ZBTB7C: variants seen among roughly 807,000 people sequenced by gnomAD.
The protein encoded by ZBTB7C is zinc finger and BTB domain containing 7C, also known as zinc finger and BTB domain-containing protein 7C.
In ZBTB7C, 8 loss-of-function variants were observed where a neutral mutation model predicts 25.7. That is an observed-to-expected ratio of 0.31 (90% CI 0.18 to 0.56). The LOEUF is 0.56. Among genes scored for constraint, ZBTB7C ranks in the 20% least tolerant of loss-of-function variants. The probability of loss-of-function intolerance (pLI) is 0.91; values close to 1 mark genes in which losing one functional copy is unlikely to be tolerated. For missense variants in ZBTB7C, 824 were observed against 855.2 expected (o/e 0.96, Z 0.46); for synonymous variants, 394 against 369.0 (o/e 1.07, Z -0.78).
At chr18:48,302,015 T>G (rs1490187756) in intron 2 of ZBTB7C, among the ~76,000 whole-genome samples, 1 of 151,830 alleles carries the variant, frequency 6.6e-6, no homozygotes, top group Non-Finnish European at 1.5e-5. Flanking sequence ...CAACTGCCAC[T>G]CCCCGGCTTT....
intron 3 of ZBTB7C, among the ~76,000 whole-genome samples, chr18:48,146,132 T>C (rs960918841): frequency 5.3e-5 from 8 of 152,234 alleles, no homozygotes; most frequent in African/African-American, 1.9e-4. Flanking sequence ...TAACTTGAGA[T>C]GATGGCTAGC....
At chr18:48,148,880 T>C (rs1374526814) in intron 3 of ZBTB7C, 4 of 152,236 alleles carry the variant, frequency 2.6e-5, no homozygotes, top group African/African-American at 9.6e-5. Context: ...TTGATTACCT[T>C]TGATCCAAAA....
intron 2 of ZBTB7C, among the ~76,000 whole-genome samples, chr18:48,233,646 C>T (rs2043309833): frequency 6.6e-6 from 1 of 152,190 alleles, no homozygotes; most frequent in Non-Finnish European, 1.5e-5. Context: ...AACGCAGCTA[C>T]AACATAAGCC....
chr18:48,386,470 T>A (rs1296559216), intron 1 of ZBTB7C, among the ~76,000 whole-genome samples: 1 of 152,130 alleles, frequency 6.6e-6, no homozygotes, highest in Non-Finnish European at 1.5e-5. Context: ...TACTGATACT[T>A]GCCAAAGAGA....
At chr18:48,112,187 A>G (rs2039265154) in intron 3 of ZBTB7C, among the ~76,000 whole-genome samples, 1 of 151,962 alleles carries the variant, frequency 6.6e-6, no homozygotes, top group Non-Finnish European at 1.5e-5. Flanking sequence ...ATATATGTTC[A>G]TAGAAAAATG....
At position 48,187,738 on chromosome 18, in the gene ZBTB7C, G is replaced by A. The variant is rs139408557; in HGVS notation, c.-78-1743C>T. On this transcript the variant is annotated intron_variant, in intron 2 of 4. Transcript: ENST00000590800. The stretch of plus-strand genomic sequence containing the variant: ...CGGGAGGCTGAGGCAGGAGAATGGC[G>A]TGAACCCGGGAGGCAGAGCTTGCAG... Among the ~76,000 whole-genome samples, 157 of 147,878 alleles carry A rather than the reference G, an allele frequency of 1.1e-3. 1 individual carries two copies. The highest frequency in any genetic ancestry group is 3.5e-3 in the African/African-American group (141 of 40,538).
rs1472956962 is a variant in ZBTB7C, at chr18:48,115,459, C to T, written c.-17+70475G>A. ...TAGAGACGGGGTTTCACCGTGGTCT[C>T]GATCTCCTGACCTCGAGATCCGCCC... is the stretch of plus-strand genomic sequence containing the variant. On this transcript the variant is annotated intron_variant, in intron 3 of 4. Coordinates refer to ENST00000590800, the MANE Select transcript of ZBTB7C (RefSeq NM_001318841.2). Among the ~76,000 whole-genome samples the T allele has an allele frequency of 1.3e-5, 2 of 152,106 alleles. 1 individual carries two copies. The highest frequency in any genetic ancestry group is 4.1e-4 in the South Asian group (2 of 4,828).
intron 2 of ZBTB7C, among the ~76,000 whole-genome samples, chr18:48,269,830 A>T (rs1223445042): frequency 6.6e-6 from 1 of 152,160 alleles, no homozygotes; most frequent in African/African-American, 2.4e-5. Flanking sequence ...TTTCCTTCTG[A>T]GCCTCTTTGT....
intron 2 of ZBTB7C, among the ~76,000 whole-genome samples, chr18:48,186,834 T>C (rs1017481316): frequency 1.3e-5 from 2 of 152,172 alleles, no homozygotes; most frequent in East Asian, 3.9e-4. Flanking sequence ...TAGTTGGCTT[T>C]TACAATCGTG....
At chr18:48,125,021 C>T (rs1025728323) in intron 3 of ZBTB7C, among the ~76,000 whole-genome samples, 5 of 152,166 alleles carry the variant, frequency 3.3e-5, no homozygotes, top group Admixed American at 1.3e-4. Flanking sequence ...AATGCAGGGG[C>T]CACTGGGAAG....
chr18:48,094,850 G>A (rs540883550), intron 3 of ZBTB7C, among the ~76,000 whole-genome samples: 1 of 152,250 alleles, frequency 6.6e-6, no homozygotes, highest in South Asian at 2.1e-4. Flanking sequence ...ACGAAAAAGG[G>A]AGCATGGAGC....
intron 2 of ZBTB7C, among the ~76,000 whole-genome samples, chr18:48,335,854 A>G (rs899273015): frequency 3.3e-5 from 5 of 152,218 alleles, no homozygotes; most frequent in Non-Finnish European, 5.9e-5. Context: ...AATGAAATAT[A>G]TCATTAAAAT....
rs551388997 is a variant in ZBTB7C, at chr18:48,039,925, T to G, written c.1183A>C (p.Thr395Pro). ...THTGEKPYMC[T>P]ICEVRFTRQD... ...CTGGTGAAGCGGACCTCGCAGATGG[T>G]GCACATGTATGGCTTCTCCCCGGTA... Residue 395 changes from threonine to proline, a missense_variant, in exon 4 of 5, where the codon ACC becomes CCC. Around this residue, in one of 4 missense-constraint regions of ZBTB7C, gnomAD observed 49 missense variants for 81.3 expected, o/e 0.60. Transcript: ENST00000590800. The G allele has an allele frequency of 1.1e-4, 170 of 1,613,276 alleles. No individual in the cohort carries two copies. Among genetic ancestry groups the G allele is most frequent in the Non-Finnish European group, 1.4e-4 (164 of 1,180,022 alleles).
At chr18:48,038,394 G>C (rs2036067031) in intron 4 of ZBTB7C, among the ~76,000 whole-genome samples, 1 of 152,102 alleles carries the variant, frequency 6.6e-6, no homozygotes, top group Admixed American at 6.5e-5. Context: ...GAAATAATCA[G>C]TGTTTCCTTC....
intron 2 of ZBTB7C, among the ~76,000 whole-genome samples, chr18:48,215,696 C>T (rs1007708589): frequency 6.6e-6 from 1 of 152,144 alleles, no homozygotes; most frequent in African/African-American, 2.4e-5. Context: ...GCAAGTGTTT[C>T]CCATTTAGAC....
rs200362895 is a variant in ZBTB7C at position 48,040,711 on chromosome 18, C to G, written c.397G>C (p.Gly133Arg). 9.9e-6 allele frequency: 16 copies of G among 1,613,852 alleles called. No homozygotes were observed. The East Asian group carries it at 1.8e-4, about 18-fold the overall frequency. The change falls in exon 4 of 5, where the codon GGG becomes CGG. Residue 133 changes from glycine to arginine, a missense_variant. Physicochemically the swap from Gly to Arg is moderately radical, Grantham distance 125. Around this residue, in one of 4 missense-constraint regions of ZBTB7C, gnomAD observed 316 missense variants for 299.2 expected, o/e 1.06. Coordinates refer to ENST00000590800, the MANE Select transcript of ZBTB7C (RefSeq NM_001318841.2). ...CLEIMEPGGDGGEEDDKEDDD... is the reference protein window; with the variant it reads ...CLEIMEPGGDRGEEDDKEDDD... ...TCCTCCTTGTCATCCTCCTCCCCCCCGTCCCCCCCAGGCTCCATGATCTCC... is the reference window on the plus strand; with the variant it reads ...TCCTCCTTGTCATCCTCCTCCCCCCGGTCCCCCCCAGGCTCCATGATCTCC...
chr18:48,251,997 A>G (rs1008221577), intron 2 of ZBTB7C, among the ~76,000 whole-genome samples: 1 of 152,110 alleles, frequency 6.6e-6, no homozygotes, highest in African/African-American at 2.4e-5. Context: ...TTGGGTATTT[A>G]CCCCAGACAA....
intron 3 of ZBTB7C, among the ~76,000 whole-genome samples, chr18:48,168,205 G>C (rs2145004540): frequency 6.6e-6 from 1 of 152,344 alleles, no homozygotes; most frequent in African/African-American, 2.4e-5. Flanking sequence ...GCTGTCCTGG[G>C]CCTTTCGGTC....
In ZBTB7C at chr18:48,045,721, T is replaced by A. The variant is rs139933412; in HGVS notation, c.-16-4598A>T. On this transcript the variant is annotated intron_variant, in intron 3 of 4. Coordinates refer to ENST00000590800, the MANE Select transcript of ZBTB7C (RefSeq NM_001318841.2). ...TCCATCTCTCCAGCCTTCGGTCTCC[T>A]GATTCTTGCCATTTATTTGACTCTG... Among the ~76,000 whole-genome samples the A allele has an allele frequency of 6.9e-3, 1,048 of 152,326 alleles. 17 individuals carry two copies. The highest frequency in any genetic ancestry group is 0.024 in the African/African-American group (1,005 of 41,566).
Sources: allele counts gnomAD v4.1 joint callset (sites outside exome capture counted in the v4.1 genomes callset), GRCh38; gene constraint gnomAD v4.1.1; regional missense constraint gnomAD v4.1.1; transcripts MANE v1.5; gene names NCBI Gene and HGNC (gene_info 2026-07-23, HGNC 2026-07-21).